The following MYCBP2 variants were observed in gnomAD, a reference collection of about 807,000 sequenced individuals.
The protein encoded by MYCBP2 is E3 ubiquitin-protein ligase MYCBP2.
MYCBP2 carries 120 observed loss-of-function variants against 525.3 expected under a neutral mutation model. The ratio of observed to expected loss-of-function variants is 0.23; its 90% confidence interval spans 0.20 to 0.27. MYCBP2 has a LOEUF of 0.27. MYCBP2 is among the 10% of genes least tolerant of loss of function. MYCBP2 has a pLI of 1.00. For synonymous variants in MYCBP2, 1,894 were observed against 1,955.8 expected, an observed-to-expected ratio of 0.97 and a Z score of 0.83; for missense variants, 4,149 against 5,657.1, an observed-to-expected ratio of 0.73 and a Z score of 8.55.
chr13:77,106,276 A>G (rs2047836194), intron 55 of MYCBP2, among the ~76,000 whole-genome samples: 1 of 152,164 alleles, frequency 6.6e-6, no homozygotes, highest in Admixed American at 6.6e-5. Flanking sequence ...TTAGTAATAC[A>G]TTATTTTTTA....
chr13:77,229,786 C>G (rs1243140704), intron 18 of MYCBP2, among the ~76,000 whole-genome samples: 1 of 152,048 alleles, frequency 6.6e-6, no homozygotes, highest in East Asian at 1.9e-4. Flanking sequence ...AAAATTGAAG[C>G]CTAATTCCAA....
chr13:77,305,586 T>C (rs1298287608), intron 1 of MYCBP2, among the ~76,000 whole-genome samples: 1 of 152,076 alleles, frequency 6.6e-6, no homozygotes, highest in Non-Finnish European at 1.5e-5. Flanking sequence ...GAGACAAAAA[T>C]GTTTAGTTGT....
chr13:77,097,772 G>T lies in MYCBP2; in HGVS notation c.9382C>A (p.Pro3128Thr). 6.2e-7 allele frequency: 1 copy of T among 1,613,710 alleles called. No individual in the cohort carries two copies. The highest frequency in any genetic ancestry group is 1.3e-5 in the African/African-American group (1 of 75,010). The part of the protein sequence containing the change: ...NKVLSMLKEP[P>T]LHEKCEDGKT... ...CCATCCTCACATTTTTCATGCAGAG[G>T]TGGTTCCTTAAGCATAGACAATACC... Residue 3128 changes from proline (P) to threonine (T), a missense_variant, in exon 56 of 83, where the codon CCT becomes ACT. Pro to Thr is a conservative substitution (Grantham distance 38, BLOSUM62 -1). Coordinates refer to ENST00000544440, the MANE Select transcript of MYCBP2 (RefSeq NM_015057.5).
chr13:77,090,095 C>T lies in MYCBP2; in HGVS notation c.10525+11G>A, dbSNP rs1046102562. ...AGATCACTCAATATTCTTTTTTATC[C>T]TCATACTTACCAGTGTCTCCACTGT... On this transcript the variant is annotated intron_variant, in intron 60 of 82. Transcript: ENST00000544440. 9 of 1,596,384 alleles carry T rather than the reference C, an allele frequency of 5.6e-6. No homozygotes were observed. Among genetic ancestry groups the T allele is most frequent in the South Asian group, 2.3e-5 (2 of 87,154 alleles).
At chr13:77,271,987 T>G (rs1272414133) in intron 5 of MYCBP2, among the ~76,000 whole-genome samples, 1 of 151,866 alleles carries the variant, frequency 6.6e-6, no homozygotes, top group Non-Finnish European at 1.5e-5. Context: ...TAGGCTAGAG[T>G]TGGGGATGTG....
chr13:77,260,525 C>T lies in MYCBP2; in HGVS notation c.1920G>A (p.Val640=), dbSNP rs543156112. The change falls in exon 13 of 83, where the codon GTG becomes GTA. Residue 640 remains valine, a synonymous_variant. Coordinates refer to ENST00000544440, the MANE Select transcript of MYCBP2 (RefSeq NM_015057.5). ...KKIIKMEGKI[V]VYTACNNGSS... is the part of the protein sequence containing the mutation. ...TTCCATTATTGCAGGCTGTATATAC[C>T]ACAATCTTTCCTTCCATCTTAATTA... 1.6e-4 allele frequency: 261 copies of T among 1,611,106 alleles called. 3 individuals carry two copies. In the South Asian group the frequency reaches 2.7e-3, roughly 17 times the overall value.
In MYCBP2 at chr13:77,095,386, G is replaced by A. The variant is rs1478447197; in HGVS notation, c.10171C>T (p.Pro3391Ser). 3.7e-6 allele frequency: 6 copies of A among 1,613,330 alleles called. No individual in the cohort carries two copies. The highest frequency in any genetic ancestry group is 1.7e-5 in the Admixed American group (1 of 59,894). Residue 3391 changes from proline (P) to serine (S), a missense_variant, in exon 58 of 83, where the codon CCT becomes TCT. Physicochemically the swap from Pro to Ser is moderately conservative, Grantham distance 74. Around this residue, in one of 21 missense-constraint regions of MYCBP2, gnomAD observed 509 missense variants for 789.4 expected, o/e 0.64. Coordinates refer to ENST00000544440, the MANE Select transcript of MYCBP2 (RefSeq NM_015057.5). ...GISEDLPVKM[P>S]CLYLQTLARH... Reference sequence around the variant, plus strand: ...GCTAATGTCTGCAGGTAGAGACAAGGCATTTTCACAGGAAGATCCTCAGAA... The same window carrying A: ...GCTAATGTCTGCAGGTAGAGACAAGACATTTTCACAGGAAGATCCTCAGAA...
Position 77,075,082 on chromosome 13 carries a change from C to A in MYCBP2, c.11823+1669G>T, listed in dbSNP as rs2042049119. 1.3e-5 allele frequency among the ~76,000 whole-genome samples: 2 copies of A among 152,096 alleles called. 1 individual carries two copies. Among genetic ancestry groups the A allele is most frequent in the South Asian group, 4.1e-4 (2 of 4,824 alleles). ...AATCAGCTGGGCACGGTGACGTGCA[C>A]CTGTAGTTCCAGCTACTTGGGAGGC... is the stretch of plus-strand genomic sequence containing the variant. On this transcript the variant is annotated intron_variant, in intron 68 of 82. Coordinates refer to ENST00000544440, the MANE Select transcript of MYCBP2 (RefSeq NM_015057.5).
intron 52 of MYCBP2, among the ~76,000 whole-genome samples, chr13:77,127,978 C>A (rs1052369762): frequency 2.0e-5 from 3 of 151,658 alleles, no homozygotes; most frequent in Admixed American, 6.6e-5. Context: ...ATTTTATTTA[C>A]CAATATTCTT....
At position 77,177,764 on chromosome 13, in the gene MYCBP2, T is replaced by C; in HGVS notation, c.5324A>G (p.Glu1775Gly). 1 of 1,613,314 alleles carries C rather than the reference T, an allele frequency of 6.2e-7. No homozygotes were observed. Among genetic ancestry groups the C allele is most frequent in the Non-Finnish European group, 8.5e-7 (1 of 1,179,294 alleles). The change falls in exon 35 of 83, where the codon GAG becomes GGG. Residue 1775 changes from glutamate (E) to glycine (G), a missense_variant. Transcript: ENST00000544440. ...GGGGIHEYEL[E>G]VLVDDSEHAG... ...GATACTTACATCATCAACCAACACC[T>C]CTAATTCATATTCATGAATTCCACC...
chr13:77,294,116 A>ATATATG (rs2077840000), intron 2 of MYCBP2, among the ~76,000 whole-genome samples: 3 of 57,464 alleles, frequency 5.2e-5, no homozygotes, highest in Non-Finnish European at 8.5e-5. Context: ...ATATATATAT[A>ATATATG]TATATATATA....
At chr13:77,097,214 C>T (rs922876570) in intron 56 of MYCBP2, among the ~76,000 whole-genome samples, 156 bp downstream of exon 56, 4 of 152,160 alleles carry the variant, frequency 2.6e-5, no homozygotes, top group African/African-American at 9.6e-5. Context: ...ATCTGTTTTT[C>T]ACAAAACCCT....
intron 3 of MYCBP2, among the ~76,000 whole-genome samples, chr13:77,285,287 T>C (rs2076611486): frequency 6.6e-6 from 1 of 152,210 alleles, no homozygotes; most frequent in Non-Finnish European, 1.5e-5. Flanking sequence ...ACAATTACTA[T>C]AATACAGTGT....
chr13:77,250,096 G>A (rs1001462944), intron 15 of MYCBP2, among the ~76,000 whole-genome samples: 10 of 151,210 alleles, frequency 6.6e-5, no homozygotes, highest in East Asian at 1.9e-4. Context: ...AGTGGCGGGC[G>A]CCTGTAGTCC....
At chr13:77,120,469 T>C (rs1260850154) in intron 55 of MYCBP2, among the ~76,000 whole-genome samples, 1 of 152,242 alleles carries the variant, frequency 6.6e-6, no homozygotes, top group Non-Finnish European at 1.5e-5. Context: ...TTTCACTTGT[T>C]CTTCAAGTCA....
intron 15 of MYCBP2, among the ~76,000 whole-genome samples, chr13:77,246,565 G>C (rs2070032128): frequency 6.7e-6 from 1 of 149,228 alleles, no homozygotes; most frequent in African/African-American, 2.5e-5. Flanking sequence ...AGCAGGAGGA[G>C]AAGGAGAAGG....
rs1020331059 is a variant in MYCBP2, at chr13:77,176,384, G to A, written c.5472+113C>T. ...CATAAATATTTAAGTACCATATAAA[G>A]GATAACTTACAAATAGCTATAGGTA... On this transcript the variant is annotated intron_variant, in intron 36 of 82. Coordinates refer to ENST00000544440, the MANE Select transcript of MYCBP2 (RefSeq NM_015057.5). 5 of 828,226 alleles carry A rather than the reference G, an allele frequency of 6.0e-6. No homozygotes were observed. The African/African-American group carries it at 8.7e-5, about 14-fold the overall frequency. 51.3% of individuals were successfully genotyped at this position (828,226 alleles called of 1,614,324 possible). A position where few individuals can be genotyped will look rare whatever the true frequency, so the allele number is the denominator to read the frequency against.
At chr13:77,278,981 T>C in intron 3 of MYCBP2, 70 bp from the exon 4 acceptor site, 1 of 1,103,764 alleles carries the variant, frequency 9.1e-7, no homozygotes, top group Non-Finnish European at 1.2e-6. Flanking sequence ...GCAGTTTAGT[T>C]GGTACAAGTT....
At chr13:77,170,733 C>T (rs1051469852) in intron 38 of MYCBP2, among the ~76,000 whole-genome samples, 2 of 151,908 alleles carry the variant, frequency 1.3e-5, no homozygotes, top group Admixed American at 6.6e-5. Context: ...CCTGCCACCA[C>T]GCCTGGCTAA....
Sources: gnomAD v4.1 joint callset for allele counts (sites outside exome capture counted in the v4.1 genomes callset) on GRCh38, gnomAD v4.1.1 for gene constraint, gnomAD v4.1.1 regional missense constraint, MANE v1.5 for transcripts, NCBI Gene and HGNC (gene_info 2026-07-23, HGNC 2026-07-21) for gene names.